Variants in GRIPAP1 observed in about 807,000 individuals in gnomAD.
GRIPAP1 encodes GRIP1-associated protein 1.
Under a neutral mutation model 84.1 loss-of-function variants are expected in GRIPAP1, and 14 were observed. The ratio of observed to expected loss-of-function variants is 0.17; its 90% CI spans 0.11 to 0.26. GRIPAP1 has a LOEUF of 0.26. Among genes scored for constraint, GRIPAP1 ranks in the 10% least tolerant of loss-of-function variants. GRIPAP1 has a pLI of 1.00. For missense variants in GRIPAP1, 518 were observed against 674.2 expected, an observed-to-expected ratio of 0.77 and a Z score of 2.57; for synonymous variants, 261 against 256.8, an observed-to-expected ratio of 1.02 and a Z score of -0.15.
chrX:49,002,195 C>T lies in GRIPAP1; in HGVS notation c.35G>A (p.Arg12Gln). The T allele has an allele frequency of 8.5e-7, 1 of 1,176,049 alleles. No individual in the cohort carries two copies. The highest frequency in any genetic ancestry group is 1.2e-6 in the Non-Finnish European group (1 of 866,242). ...AQALSEEEFQRMQAQLLELRT... is the reference protein window; with the variant it reads ...AQALSEEEFQQMQAQLLELRT... ...TCCCACCGCGAGCGGCACCTGCATC[C>T]GCTGAAACTCCTCCTCAGACAGAGC... Residue 12 changes from arginine (R) to glutamine (Q), a missense_variant, in exon 1 of 26, where the codon CGG (arginine) becomes CAG (glutamine). This residue lies in a region of GRIPAP1 where 372 missense variants were observed against 458.1 expected (regional missense o/e 0.81). Transcript: ENST00000376423.
At chrX:48,977,691 G>GT (rs782634372) in intron 22 of GRIPAP1, 2 of 109,683 alleles carry the variant, frequency 1.8e-5, no homozygotes, top group Non-Finnish European at 3.8e-5. Context: ...GACATTTAAG[G>GT]TTTTTTTGTT....
rs189466093 is a variant in GRIPAP1 at position 48,981,903 on chromosome X, C to T, written c.1600-31G>A. 19 of 1,047,704 alleles carry T rather than the reference C, an allele frequency of 1.8e-5. No individual in the cohort carries two copies. In the East Asian group the frequency reaches 6.3e-4, roughly 35 times the overall value. 86.3% of individuals were successfully genotyped at this position (1,047,704 alleles called of 1,213,427 possible). ...AGACAAGTCCCAGGTCTGGCCACAG[C>T]CCCCCAGAAGGTATCATGCCCAGTT... On this transcript the variant is annotated intron_variant, in intron 17 of 25. Transcript: ENST00000376423.
rs2064574634 is a variant in GRIPAP1 at position 49,000,702 on chromosome X, G to T, written c.43-1198C>A. 4.5e-5 allele frequency: 5 copies of T among 110,059 alleles called. No individual in the cohort carries two copies. In the South Asian group the frequency reaches 1.9e-3, roughly 43 times the overall value. 9.1% of individuals were successfully genotyped at this position (110,059 alleles called of 1,213,427 possible). A position where few individuals can be genotyped will look rare whatever the true frequency, so the allele number is the denominator to read the frequency against. Reference sequence around the variant, plus strand: ...AGAAAGACTCTGTCTCAAAAAAAAAGAAAAAGAAAAAGAATTAAGCATCCT... The same window carrying T: ...AGAAAGACTCTGTCTCAAAAAAAAATAAAAAGAAAAAGAATTAAGCATCCT... On this transcript the variant is annotated intron_variant, in intron 1 of 25. Coordinates refer to ENST00000376423, the MANE Select transcript of GRIPAP1 (RefSeq NM_020137.5).
At chrX:49,001,119 C>A (rs1248494929) in intron 1 of GRIPAP1, among the ~76,000 whole-genome samples, 1 of 111,156 alleles carries the variant, frequency 9.0e-6, no homozygotes, top group Non-Finnish European at 1.9e-5. Flanking sequence ...TGGGAATGGC[C>A]CTACACCCTT....
At chrX:49,000,273 G>A (rs927111622) in intron 1 of GRIPAP1, among the ~76,000 whole-genome samples, 5 of 104,308 alleles carry the variant, frequency 4.8e-5, no homozygotes, top group African/African-American at 1.8e-4. Context: ...GCTGAGGCAG[G>A]AGAATCGCTT....
intron 11 of GRIPAP1, 53 bp from the exon 12 acceptor site, chrX:48,988,251 A>C: frequency 3.4e-6 from 3 of 873,317 alleles, no homozygotes; most frequent in Non-Finnish European, 4.9e-6. Context: ...TGGGGTGCAT[A>C]TAACCGTACA....
intron 11 of GRIPAP1, 72 bp downstream of exon 11, chrX:48,989,539 T>C: frequency 1.5e-6 from 1 of 686,491 alleles, no homozygotes; most frequent in Non-Finnish European, 2.3e-6. Flanking sequence ...CCAGCCTCCA[T>C]GGACCTCAGA....
chrX:48,976,216 G>GGGCA (rs782192142), intron 23 of GRIPAP1, 25 bp downstream of exon 23: 11 of 1,174,894 alleles, frequency 9.4e-6, no homozygotes, highest in African/African-American at 3.6e-5. Context: ...AAGTGGGGAT[G>GGGCA]GGCAGGCAGG....
Position 48,973,797 on chromosome X carries a change from G to C in GRIPAP1, c.*396C>G, listed in dbSNP as rs2064407591. ...ACACACACACACACACGTGTTGCTAGAACGCTGAACATGGACCACACACCC... is the reference window on the plus strand; with the variant it reads ...ACACACACACACACACGTGTTGCTACAACGCTGAACATGGACCACACACCC... On this transcript the variant is annotated 3_prime_UTR_variant, in exon 26 of 26. Coordinates refer to ENST00000376423, the MANE Select transcript of GRIPAP1 (RefSeq NM_020137.5). The C allele has an allele frequency of 2.5e-5, 3 of 120,185 alleles. No individual in the cohort carries two copies. Among genetic ancestry groups the C allele is most frequent in the East Asian group, 2.4e-4 (1 of 4,159 alleles). 9.9% of individuals were successfully genotyped at this position (120,185 alleles called of 1,213,427 possible).
chrX:48,991,397 A>C, intron 6 of GRIPAP1: 1 of 288,716 alleles, frequency 3.5e-6, no homozygotes, highest in Non-Finnish European at 6.1e-6. Flanking sequence ...CTCCCACCTC[A>C]CTCTCCCAAG....
rs145976528 is a variant in GRIPAP1, at chrX:48,988,174, G to A, written c.895C>T (p.Arg299Trp). 61 of 1,195,652 alleles carry A rather than the reference G, an allele frequency of 5.1e-5. No homozygotes were observed. The African/African-American group carries it at 8.8e-4, about 17-fold the overall frequency. The change falls in exon 12 of 26, where the codon CGG (arginine) becomes TGG (tryptophan). Residue 299 changes from arginine to tryptophan, a missense_variant. Around this residue, in one of 5 missense-constraint regions of GRIPAP1, gnomAD observed 372 missense variants for 458.1 expected, o/e 0.81. Transcript: ENST00000376423. ...GCATGTTCCAGGCGCTCCCCCTGCCGCTGATCTCTCAGCTCTGCCAAGCTC... is the reference window on the plus strand; with the variant it reads ...GCATGTTCCAGGCGCTCCCCCTGCCACTGATCTCTCAGCTCTGCCAAGCTC... Reference protein sequence around the residue: ...NQSLAELRDQRQGERLEHAAA... With the variant: ...NQSLAELRDQWQGERLEHAAA...
intron 13 of GRIPAP1, among the ~76,000 whole-genome samples, chrX:48,986,191 G>A (rs2064486480): frequency 2.0e-5 from 2 of 99,109 alleles, no homozygotes; most frequent in Non-Finnish European, 4.0e-5. Context: ...GCAGTGAGCC[G>A]AGATCGTGCC....
chrX:48,996,802 G>A (rs1160224112), intron 5 of GRIPAP1, among the ~76,000 whole-genome samples: 3 of 111,931 alleles, frequency 2.7e-5, no homozygotes, highest in Non-Finnish European at 5.6e-5. Flanking sequence ...TCAATGGGGA[G>A]ATAGAATTAG....
In GRIPAP1 at chrX:48,991,038, C is replaced by T. The variant is rs1557065348; in HGVS notation, c.530G>A (p.Gly177Glu). The T allele has an allele frequency of 1.7e-5, 20 of 1,199,084 alleles. No individual in the cohort carries two copies. Among genetic ancestry groups the T allele is most frequent in the Non-Finnish European group, 2.3e-5 (20 of 884,157 alleles). Residue 177 changes from glycine (G) to glutamate (E), a missense_variant, in exon 7 of 26, where the codon GGG becomes GAG. Physicochemically the swap from Gly to Glu is moderately conservative, Grantham distance 98 (BLOSUM62 -2). This residue lies in a region of GRIPAP1 where 372 missense variants were observed against 458.1 expected (regional missense o/e 0.81). Transcript: ENST00000376423. The part of the protein sequence containing the change: ...AVSEGQGDPP[G>E]GLAPTVLAPM... ...GGCCAGGACGGTGGGGGCCAGGCCCCCTGGGGGATCCCCCTGGCCCTCACT... is the reference window on the plus strand; with the variant it reads ...GGCCAGGACGGTGGGGGCCAGGCCCTCTGGGGGATCCCCCTGGCCCTCACT...
chrX:48,996,799 G>A (rs141072447), intron 5 of GRIPAP1, among the ~76,000 whole-genome samples: 4,784 of 111,769 alleles, frequency 0.043, 252 homozygotes, highest in African/African-American at 0.15. Flanking sequence ...AAATCAATGG[G>A]GAGATAGAAT....
In GRIPAP1 at chrX:48,980,365, C is replaced by T. The variant is rs782103828; in HGVS notation, c.1930+850G>A. Reference sequence around the variant, plus strand: ...GTATAAGTCTGTCTCCGTAGCTCAACTGGGGGCTTCTAGAGGGCAGAGACT... The same window carrying T: ...GTATAAGTCTGTCTCCGTAGCTCAATTGGGGGCTTCTAGAGGGCAGAGACT... On this transcript the variant is annotated intron_variant, in intron 21 of 25. Coordinates refer to ENST00000376423, the MANE Select transcript of GRIPAP1 (RefSeq NM_020137.5). Among the ~76,000 whole-genome samples the T allele has an allele frequency of 1.1e-4, 12 of 109,579 alleles. No homozygotes were observed. The South Asian group carries it at 4.7e-3, about 43-fold the overall frequency.
chrX:48,991,784 G>A (rs1170421236), intron 6 of GRIPAP1, among the ~76,000 whole-genome samples: 1 of 110,989 alleles, frequency 9.0e-6, no homozygotes, highest in Non-Finnish European at 1.9e-5. Flanking sequence ...AGGTTGCAGT[G>A]AGCCGCGATC....
intron 25 of GRIPAP1, 60 bp from the exon 26 acceptor site, chrX:48,974,345 C>T (rs2064411325): frequency 4.2e-6 from 3 of 707,163 alleles, no homozygotes; most frequent in East Asian, 3.3e-5. Context: ...CCTTGCCAAA[C>T]GTAGGGTATC....
At chrX:48,985,715 G>C (rs1393661532) in intron 13 of GRIPAP1, among the ~76,000 whole-genome samples, 1 of 111,532 alleles carries the variant, frequency 9.0e-6, no homozygotes, top group Non-Finnish European at 1.9e-5. Flanking sequence ...CAAGCGAAAT[G>C]AATCTTATGT....
Sources: gnomAD v4.1 joint callset for allele counts (sites outside exome capture counted in the v4.1 genomes callset) on GRCh38, gnomAD v4.1.1 for gene constraint, gnomAD v4.1.1 regional missense constraint, MANE v1.5 for transcripts, NCBI Gene and HGNC (gene_info 2026-07-23, HGNC 2026-07-21) for gene names.